The following CLEC12B variants were observed in gnomAD, a reference collection of about 807,000 sequenced individuals.
CLEC12B encodes macrophage antigen h.
In CLEC12B, 25 loss-of-function variants were observed where a neutral mutation model predicts 36.1. The observed-to-expected ratio is 0.69, with a 90% CI of 0.50 to 0.97. The LOEUF (loss-of-function observed/expected upper bound fraction) is 0.97, where lower values mean the gene tolerates loss of function less well. Among genes scored for constraint, CLEC12B ranks in the 50% least tolerant of loss-of-function variants. CLEC12B has a pLI of 0.00. For missense variants in CLEC12B, 325 were observed against 318.4 expected (o/e 1.02, Z -0.16); for synonymous variants, 110 against 108.5 (o/e 1.01, Z -0.09).
chr12:10,018,210 T>G, intron 5 of CLEC12B, 121 bp from the exon 6 acceptor site: 1 of 703,970 alleles, frequency 1.4e-6, no homozygotes, highest in East Asian at 3.4e-5. Flanking sequence ...TGAAGCTTTG[T>G]GGAGGCAGAA....
intron 2 of CLEC12B, 110 bp downstream of exon 2, chr12:10,012,993 C>T (rs1865371375): frequency 1.2e-6 from 1 of 805,548 alleles, no homozygotes. Context: ...TCGTCTGATA[C>T]TTTTCTGCTG....
intron 4 of CLEC12B, 54 bp from the exon 5 acceptor site, chr12:10,015,558 T>C (rs897222176): frequency 6.2e-7 from 1 of 1,609,752 alleles, no homozygotes; most frequent in Admixed American, 1.7e-5. Context: ...ATCTTAACTC[T>C]GCAAACTGGA....
At chr12:10,014,100 C>T (rs1159393423) in intron 2 of CLEC12B, among the ~76,000 whole-genome samples, 2 of 152,056 alleles carry the variant, frequency 1.3e-5, no homozygotes, top group African/African-American at 4.8e-5. Context: ...TTTTTCTTTT[C>T]TTTTGGTAAA....
chr12:10,016,919 C>T, intron 5 of CLEC12B: 1 of 937,802 alleles, frequency 1.1e-6, no homozygotes, highest in Non-Finnish European at 1.3e-6. Flanking sequence ...TTTTATCTAC[C>T]TTCCTCCCCC....
upstream of CLEC12B, among the ~76,000 whole-genome samples, chr12:10,006,324 C>T (rs1865224223): frequency 6.6e-6 from 1 of 152,086 alleles, no homozygotes; most frequent in Non-Finnish European, 1.5e-5. Context: ...GTAGATCAAG[C>T]GCTGGTATGG....
upstream of CLEC12B, among the ~76,000 whole-genome samples, chr12:10,008,411 G>A (rs1011295290): frequency 3.9e-5 from 6 of 152,058 alleles, no homozygotes; most frequent in Non-Finnish European, 7.4e-5. Flanking sequence ...AGAACTGAGA[G>A]CCCATAGTAT....
At chr12:10,006,967 A>G (rs1159541684), upstream of CLEC12B, among the ~76,000 whole-genome samples, 3 of 152,054 alleles carry the variant, frequency 2.0e-5, no homozygotes, top group African/African-American at 7.2e-5. Flanking sequence ...AGGCAGGGGA[A>G]TGGCATGAAC....
At chr12:10,016,475 G>A (rs1865489687) in intron 5 of CLEC12B, 1 of 191,014 alleles carries the variant, frequency 5.2e-6, no homozygotes, top group African/African-American at 2.4e-5. Context: ...GGGGATATTA[G>A]GTTTGCTAAA....
At chr12:10,007,652 G>A (rs1054016465), upstream of CLEC12B, among the ~76,000 whole-genome samples, 2 of 152,210 alleles carry the variant, frequency 1.3e-5, no homozygotes, top group Non-Finnish European at 2.9e-5. Flanking sequence ...GAGATTTGCA[G>A]AACAGATTGA....
chr12:10,014,428 A>T (rs2137270862), intron 2 of CLEC12B, 95 bp from the exon 3 acceptor site: 1 of 885,364 alleles, frequency 1.1e-6, no homozygotes, highest in Non-Finnish European at 1.8e-6. Flanking sequence ...CTACTAATAA[A>T]TCTTGAACAA....
At chr12:10,009,688 G>A (rs938500745), upstream of CLEC12B, among the ~76,000 whole-genome samples, 19 of 152,150 alleles carry the variant, frequency 1.2e-4, no homozygotes, top group African/African-American at 4.3e-4. Context: ...CAGCTGTGGG[G>A]TGAGTGCACC....
chr12:10,012,779 C>T lies in CLEC12B; in HGVS notation c.92-6C>T. The T allele has an allele frequency of 6.2e-7, 1 of 1,611,944 alleles. No individual in the cohort carries two copies. The highest frequency in any genetic ancestry group is 8.5e-7 in the Non-Finnish European group (1 of 1,178,936). ...GTGTGCTGATTGCTCTTTTGGCTTT[C>T]TCCAGGGCATCCAGCTCCATCTCCC... On this transcript the variant is annotated splice_region_variant and splice_polypyrimidine_tract_variant and intron_variant, in intron 1 of 5. Coordinates refer to ENST00000338896, the MANE Select transcript of CLEC12B (RefSeq NM_001129998.3).
At chr12:10,012,300 A>G (rs1180548130) in intron 1 of CLEC12B, among the ~76,000 whole-genome samples, 1 of 152,226 alleles carries the variant, frequency 6.6e-6, no homozygotes, top group Non-Finnish European at 1.5e-5. Flanking sequence ...CATCCAGAAA[A>G]GCAGTTTTTA....
chr12:10,018,725 T>C lies in CLEC12B; in HGVS notation c.*244T>C. On this transcript the variant is annotated 3_prime_UTR_variant, in exon 6 of 6. Coordinates refer to ENST00000338896, the MANE Select transcript of CLEC12B (RefSeq NM_001129998.3). ...AAGGGGAATAGCCATACTATGGCCC[T>C]ATGATTGTCTCAGAATCATTTCACT... 1 of 426,840 alleles carries C rather than the reference T, an allele frequency of 2.3e-6. No individual in the cohort carries two copies. Among genetic ancestry groups the C allele is most frequent in the Non-Finnish European group, 4.1e-6 (1 of 242,790 alleles). 26.4% of individuals were successfully genotyped at this position (426,840 alleles called of 1,614,324 possible). A position where few individuals can be genotyped will look rare whatever the true frequency, so the allele number is the denominator to read the frequency against.
rs1865432022 is a variant in CLEC12B, at chr12:10,014,673, C to G, written c.341C>G (p.Ser114Cys). 1.2e-6 allele frequency: 2 copies of G among 1,613,316 alleles called. No homozygotes were observed. The highest frequency in any genetic ancestry group is 1.7e-6 in the Non-Finnish European group (2 of 1,179,440). The stretch of plus-strand genomic sequence containing the variant: ...GAGGAATTTCTCAAGTCACAGATCT[C>G]CAGTGTACTGAAGAGGCAGGAACAA... ...MEEEFLKSQI[S>C]SVLKRQEQMA... The change falls in exon 3 of 6, where the codon TCC becomes TGC. Residue 114 changes from serine (S) to cysteine (C), a missense_variant. Physicochemically the swap from Ser to Cys is moderately radical, Grantham distance 112. Transcript: ENST00000338896.
Position 10,018,395 on chromosome 12 carries a change from AATATTT to A in CLEC12B, c.752_757del (p.Tyr251_Ile252del). On this transcript the variant is annotated inframe_deletion, in exon 6 of 6. Transcript: ENST00000338896. ...AGGATGTGCTTATTTTCAAAAAGGA[AATATTT>A]ATATTTCTCGCTGTAGTGCTGAAAT... 6.5e-7 allele frequency: 1 copy of A among 1,547,194 alleles called. No homozygotes were observed. Among genetic ancestry groups the A allele is most frequent in the Non-Finnish European group, 8.7e-7 (1 of 1,143,162 alleles).
At chr12:10,018,119 A>T (rs1865531751) in intron 5 of CLEC12B, among the ~76,000 whole-genome samples, 2 of 152,114 alleles carry the variant, frequency 1.3e-5, no homozygotes. Flanking sequence ...TCTACCTGGG[A>T]TTATGATTAA....
chr12:10,013,093 A>G (rs935439555), intron 2 of CLEC12B: 2 of 558,994 alleles, frequency 3.6e-6, no homozygotes, highest in African/African-American at 3.8e-5. Context: ...TTTTATCTTG[A>G]TAAGCTAAAC....
At chr12:10,015,113 T>C (rs1014046049) in intron 3 of CLEC12B, 139 bp from the exon 4 acceptor site, 9 of 743,232 alleles carry the variant, frequency 1.2e-5, no homozygotes, top group African/African-American at 7.0e-5. Flanking sequence ...CACTTTTTTT[T>C]CAGAGGCTTC....
Sources: gnomAD v4.1 joint callset for allele counts (sites outside exome capture counted in the v4.1 genomes callset) on GRCh38, gnomAD v4.1.1 for gene constraint, MANE v1.5 for transcripts, NCBI Gene and HGNC (gene_info 2026-07-23, HGNC 2026-07-21) for gene names.